The following SPRED2 variants were observed in gnomAD, a reference collection of about 807,000 sequenced individuals.
SPRED2 encodes sprouty related EVH1 domain containing 2.
A neutral mutation model predicts 43.0 loss-of-function variants in SPRED2; 47 were observed. That is an observed-to-expected ratio of 1.09 (90% CI 0.87 to 1.40). The LOEUF is 1.40. Among genes scored for constraint, SPRED2 ranks in the 40% most tolerant of loss-of-function variants. The pLI, the probability that SPRED2 is intolerant of heterozygous loss-of-function variation, is 0.00. For missense variants in SPRED2, 561 were observed against 586.4 expected (o/e 0.96, Z 0.45); for synonymous variants, 225 against 225.7 (o/e 1.00, Z 0.03).
intron 1 of SPRED2, among the ~76,000 whole-genome samples, chr2:65,407,253 T>A (rs1039753960): frequency 1.2e-4 from 17 of 145,024 alleles, no homozygotes; most frequent in Non-Finnish European, 2.2e-4. Context: ...TCCTTTTTTT[T>A]TTTTTGCTAA....
chr2:65,312,825 T>G lies in SPRED2; in HGVS notation c.*676A>C. The G allele has an allele frequency of 3.0e-6, 3 of 985,846 alleles. No individual in the cohort carries two copies. Among genetic ancestry groups the G allele is most frequent in the Non-Finnish European group, 3.6e-6 (3 of 829,932 alleles). The allele number at this position is 985,846 out of a possible 1,614,324, so 61.1% of individuals were successfully genotyped here. A position where few individuals can be genotyped will look rare whatever the true frequency, so the allele number is the denominator to read the frequency against. On this transcript the variant is annotated 3_prime_UTR_variant, in exon 6 of 6. Coordinates refer to ENST00000356388, the MANE Select transcript of SPRED2 (RefSeq NM_181784.3). ...TGAATGTTTTGCATCAGTGAATCAT[T>G]TCAACAGATTTTGGGGGGGCAGAAA...
chr2:65,375,537 T>C (rs1477850776), intron 1 of SPRED2, among the ~76,000 whole-genome samples: 2 of 152,134 alleles, frequency 1.3e-5, no homozygotes, highest in Non-Finnish European at 2.9e-5. Context: ...AAAGGACAGC[T>C]CTCAAGTTTC....
At chr2:65,362,454 T>C (rs1425849246) in intron 1 of SPRED2, among the ~76,000 whole-genome samples, 2 of 152,048 alleles carry the variant, frequency 1.3e-5, no homozygotes, top group Non-Finnish European at 2.9e-5. Context: ...GTATTTTTAG[T>C]AGAGATGGGA....
chr2:65,339,851 A>C (rs1281567542), intron 2 of SPRED2, among the ~76,000 whole-genome samples: 2 of 152,190 alleles, frequency 1.3e-5, no homozygotes, highest in Non-Finnish European at 2.9e-5. Flanking sequence ...GTATCAAAGA[A>C]GAATATCTAC....
At position 65,313,995 on chromosome 2, in the gene SPRED2, C is replaced by T; in HGVS notation, c.763G>A (p.Ala255Thr). ...TCATGCTTGGGGACCTCGCCCTTGG[C>T]GAAGCGCACGTAGGAGGAGTCCGCG... ...EDADSSYVRF[A>T]KGEVPKHDYN... The change falls in exon 6 of 6, where the codon GCC (alanine) becomes ACC (threonine). Residue 255 changes from alanine to threonine, a missense_variant. By Grantham distance (58) the Ala-to-Thr change is moderately conservative. This residue lies in a region of SPRED2 where 164 missense variants were observed against 164.1 expected (regional missense o/e 1.00). Transcript: ENST00000356388. 2 of 1,613,658 alleles carry T rather than the reference C, an allele frequency of 1.2e-6. No individual in the cohort carries two copies. The highest frequency in any genetic ancestry group is 1.7e-6 in the Non-Finnish European group (2 of 1,180,018).
intron 2 of SPRED2, among the ~76,000 whole-genome samples, chr2:65,339,331 CTG>C (rs1408759914): frequency 2.0e-5 from 3 of 151,868 alleles, no homozygotes; most frequent in Admixed American, 2.0e-4. Flanking sequence ...GTTGCCGTGT[CTG>C]TGTAGAAAGA....
chr2:65,392,253 C>T (rs187610478), intron 1 of SPRED2, among the ~76,000 whole-genome samples: 1 of 148,476 alleles, frequency 6.7e-6, no homozygotes, highest in East Asian at 2.0e-4. Context: ...AATCATGGCT[C>T]CCTGAAGCCT....
chr2:65,388,395 C>T (rs1387189892), intron 1 of SPRED2, among the ~76,000 whole-genome samples: 1 of 152,180 alleles, frequency 6.6e-6, no homozygotes, highest in African/African-American at 2.4e-5. Context: ...TGGGCAGGGC[C>T]GCCCTGCCTG....
chr2:65,364,759 T>C (rs1333593645), intron 1 of SPRED2, among the ~76,000 whole-genome samples: 1 of 151,960 alleles, frequency 6.6e-6, no homozygotes, highest in Non-Finnish European at 1.5e-5. Context: ...TCATTTACCA[T>C]AGGCCTCAAG....
intron 1 of SPRED2, among the ~76,000 whole-genome samples, chr2:65,412,525 T>C (rs1676186103): frequency 6.6e-6 from 1 of 152,196 alleles, no homozygotes; most frequent in African/African-American, 2.4e-5. Context: ...TGCAATCCCA[T>C]TGTTCCTAGA....
chr2:65,407,503 G>T (rs991350760), intron 1 of SPRED2, among the ~76,000 whole-genome samples: 4 of 151,998 alleles, frequency 2.6e-5, no homozygotes, highest in African/African-American at 9.7e-5. Flanking sequence ...GAAGGTAGGT[G>T]CATGGCATGC....
At chr2:65,322,294 A>ATATATATATATTTTTTTTTT (rs1350932295) in intron 4 of SPRED2, among the ~76,000 whole-genome samples, 1 of 64,930 alleles carries the variant, frequency 1.5e-5, no homozygotes, top group African/African-American at 7.1e-5. Flanking sequence ...ATATATATAT[A>ATATATATATATTTTTTTTTT]TTTTTTTTTT....
chr2:65,360,763 A>G (rs1052772367), intron 1 of SPRED2, among the ~76,000 whole-genome samples: 8 of 152,236 alleles, frequency 5.3e-5, no homozygotes, highest in African/African-American at 1.9e-4. Context: ...AAACTTGGAT[A>G]TAGTTAACAC....
At chr2:65,379,177 A>C (rs1379282106) in intron 1 of SPRED2, among the ~76,000 whole-genome samples, 1 of 152,190 alleles carries the variant, frequency 6.6e-6, no homozygotes, top group Non-Finnish European at 1.5e-5. Flanking sequence ...GTGACTTTTT[A>C]CCAATATCAG....
In SPRED2 at chr2:65,313,108, A is replaced by G; in HGVS notation, c.*393T>C. 7 of 997,508 alleles carry G rather than the reference A, an allele frequency of 7.0e-6. No individual in the cohort carries two copies. Among genetic ancestry groups the G allele is most frequent in the East Asian group, 1.0e-4 (1 of 9,554 alleles). 61.8% of individuals were successfully genotyped at this position (997,508 alleles called of 1,614,324 possible). On this transcript the variant is annotated 3_prime_UTR_variant, in exon 6 of 6. Transcript: ENST00000356388. ...CGACGCTCTTGGAAAAATCAACTACAAAACCCACCGAAAATCAGCAGTTCC... is the reference window on the plus strand; with the variant it reads ...CGACGCTCTTGGAAAAATCAACTACGAAACCCACCGAAAATCAGCAGTTCC...
rs373800861 is a variant in SPRED2, at chr2:65,316,740, G to A, written c.582C>T (p.Leu194=). Residue 194 remains leucine (L), a synonymous_variant, in exon 5 of 6, where the codon CTC becomes CTT. Transcript: ENST00000356388. ...HDSYPTDHYH[L]DQPMPRPYRQ... ...GAACAGGGCTGCTGCTCACCTGATC[G>A]AGGTGATAGTGGTCTGTGGGGTATG... 2.0e-5 allele frequency: 33 copies of A among 1,610,012 alleles called. No homozygotes were observed. The highest frequency in any genetic ancestry group is 2.7e-5 in the African/African-American group (2 of 74,978).
At chr2:65,307,741 C>A (rs1007922070), downstream of SPRED2, among the ~76,000 whole-genome samples, 1 of 152,180 alleles carries the variant, frequency 6.6e-6, no homozygotes, top group African/African-American at 2.4e-5. Context: ...ATGGGGCAGG[C>A]CCTGATTTGC....
chr2:65,326,847 A>T (rs1042427830), intron 4 of SPRED2, among the ~76,000 whole-genome samples: 1 of 151,972 alleles, frequency 6.6e-6, no homozygotes, highest in East Asian at 1.9e-4. Context: ...TTAAAAAAAC[A>T]ATTTTTTTTT....
intron 1 of SPRED2, among the ~76,000 whole-genome samples, chr2:65,416,458 A>G (rs1157624003): frequency 1.3e-5 from 2 of 152,166 alleles, no homozygotes; most frequent in Non-Finnish European, 2.9e-5. Flanking sequence ...AGAGTGTGGA[A>G]GAGTGGGTCT....
Sources: allele counts gnomAD v4.1 joint callset (sites outside exome capture counted in the v4.1 genomes callset), GRCh38; gene constraint gnomAD v4.1.1; regional missense constraint gnomAD v4.1.1; transcripts MANE v1.5; gene names NCBI Gene and HGNC (gene_info 2026-07-23, HGNC 2026-07-21).